Variants in ABCD3 observed in about 807,000 individuals in gnomAD.
ABCD3 encodes the protein ATP binding cassette subfamily D member 3, also known as ATP-binding cassette sub-family D member 3.
In ABCD3, 41 loss-of-function variants were observed where a neutral mutation model predicts 105.5. That is an observed-to-expected ratio of 0.39 (90% CI 0.30 to 0.50). The LOEUF is 0.50. ABCD3 is among the 20% of genes least tolerant of loss of function. ABCD3 has a pLI of 0.84. For synonymous variants in ABCD3, 258 were observed against 269.0 expected, an observed-to-expected ratio of 0.96 and a Z score of 0.40; for missense variants, 622 against 806.3, an observed-to-expected ratio of 0.77 and a Z score of 2.77.
At chr1:94,497,096 G>T (rs1188220820) in intron 16 of ABCD3, among the ~76,000 whole-genome samples, 1 of 152,024 alleles carries the variant, frequency 6.6e-6, no homozygotes, top group Non-Finnish European at 1.5e-5. Flanking sequence ...AATAAAGTCT[G>T]CTCTGACCAC....
intron 1 of ABCD3, among the ~76,000 whole-genome samples, chr1:94,421,690 A>G (rs1213020111): frequency 1.3e-5 from 2 of 152,252 alleles, no homozygotes; most frequent in African/African-American, 2.4e-5. Flanking sequence ...ACAGATAGAC[A>G]TGTCTTAGAA....
At chr1:94,391,353 ACT>A in the ABCD3 span, among the ~76,000 whole-genome samples, 3 of 151,982 alleles carry the variant, frequency 2.0e-5, no homozygotes, top group Admixed American at 6.6e-5. Context: ...ATTTTGGTTG[ACT>A]CTCTGTCGCC....
chr1:94,449,954 A>G (rs1013257771), intron 1 of ABCD3, among the ~76,000 whole-genome samples: 6 of 152,210 alleles, frequency 3.9e-5, no homozygotes, highest in African/African-American at 1.4e-4. Flanking sequence ...TGTTAACAAG[A>G]TCAAAATTTG....
In ABCD3 at chr1:94,457,090, G is replaced by A. The variant is rs148013509; in HGVS notation, c.111-1517G>A. ...GGTCCTTTGCTCGTTTTTTAAAATTGGATTGTTGTCTTGCTATTGAGTTGT... is the reference window on the plus strand; with the variant it reads ...GGTCCTTTGCTCGTTTTTTAAAATTAGATTGTTGTCTTGCTATTGAGTTGT... On this transcript the variant is annotated intron_variant, in intron 1 of 22. Transcript: ENST00000370214. Among the ~76,000 whole-genome samples the A allele has an allele frequency of 2.9e-3, 436 of 152,060 alleles. 1 individual carries two copies. Among genetic ancestry groups the A allele is most frequent in the African/African-American group, 9.4e-3 (390 of 41,470 alleles).
intron 3 of ABCD3, among the ~76,000 whole-genome samples, chr1:94,465,556 A>G (rs1648096585): frequency 6.6e-6 from 1 of 152,174 alleles, no homozygotes; most frequent in African/African-American, 2.4e-5. Context: ...TTGCTTTGTT[A>G]TAGTTAAATA....
Position 94,418,443 on chromosome 1 carries a change from G to GCCT in ABCD3, c.-35_-34insCTC, listed in dbSNP as rs747584340. The GCCT allele has an allele frequency of 6.5e-7, 1 of 1,549,598 alleles. No individual in the cohort carries two copies. The highest frequency in any genetic ancestry group is 1.4e-5 in the African/African-American group (1 of 73,322). On this transcript the variant is annotated 5_prime_UTR_variant, in exon 1 of 23. Transcript: ENST00000370214. Reference sequence around the variant, plus strand: ...GGTAGCCGCCGCCGCCGCCGCCGCCGCGTCCCCTCGCCGGCTCGCTGGTAC... The same window carrying GCCT: ...GGTAGCCGCCGCCGCCGCCGCCGCCGCCTCGTCCCCTCGCCGGCTCGCTGGTAC...
rs1405303889 is a variant in ABCD3, at chr1:94,475,169, G to A, written c.432G>A (p.Lys144=). The change falls in exon 6 of 23, where the codon AAG becomes AAA. Residue 144 remains lysine (K), a synonymous_variant. Transcript: ENST00000370214. ...PLISLVNNFL[K]YGLNELKLCF... ...TCTCTCTGGTTAATAACTTCTTGAA[G>A]TATGGGTTAAATGAGCTTAAACTGT... 1.9e-6 allele frequency: 3 copies of A among 1,603,590 alleles called. No homozygotes were observed. Among genetic ancestry groups the A allele is most frequent in the Non-Finnish European group, 2.6e-6 (3 of 1,173,794 alleles).
At chr1:94,456,645 C>T (rs1001978895) in intron 1 of ABCD3, among the ~76,000 whole-genome samples, 2 of 151,172 alleles carry the variant, frequency 1.3e-5, no homozygotes, top group African/African-American at 4.9e-5. Flanking sequence ...ATCCATTGAT[C>T]TCTCGATGGA....
Position 94,418,454 on chromosome 1 carries a change from C to G in ABCD3, c.-25C>G, listed in dbSNP as rs376236351. 16 of 1,576,802 alleles carry G rather than the reference C, an allele frequency of 1.0e-5. No individual in the cohort carries two copies. The Admixed American group carries it at 1.6e-4, about 15-fold the overall frequency. ...CCGCCGCCGCCGCCGCGTCCCCTCGCCGGCTCGCTGGTACCGGCAGTGCCA... is the reference window on the plus strand; with the variant it reads ...CCGCCGCCGCCGCCGCGTCCCCTCGGCGGCTCGCTGGTACCGGCAGTGCCA... On this transcript the variant is annotated 5_prime_UTR_variant, in exon 1 of 23. Transcript: ENST00000370214.
intron 20 of ABCD3, among the ~76,000 whole-genome samples, chr1:94,502,497 GTTTT>G (rs34232258): frequency 1.5e-5 from 2 of 131,106 alleles, no homozygotes; most frequent in Non-Finnish European, 3.3e-5. Context: ...TGCCCCCCTA[GTTTT>G]TTTTTTTTTT....
At chr1:94,471,345 G>A (rs1242326200) in intron 4 of ABCD3, among the ~76,000 whole-genome samples, 2 of 151,804 alleles carry the variant, frequency 1.3e-5, no homozygotes, top group Admixed American at 6.6e-5. Flanking sequence ...ATCACTTGAG[G>A]CCAAGAGTTC....
In ABCD3 at chr1:94,517,258, A is replaced by G. The variant is rs1266869135; in HGVS notation, c.*129A>G. 5 of 711,514 alleles carry G rather than the reference A, an allele frequency of 7.0e-6. No individual in the cohort carries two copies. Among genetic ancestry groups the G allele is most frequent in the South Asian group, 6.2e-5 (4 of 64,490 alleles). 44.1% of individuals were successfully genotyped at this position (711,514 alleles called of 1,614,324 possible). A position where few individuals can be genotyped will look rare whatever the true frequency, so the allele number is the denominator to read the frequency against. ...AAAAAAACAAAGCAACAAATTAACT[A>G]GATACAGAATAATGGAGAACAAGTT... On this transcript the variant is annotated 3_prime_UTR_variant, in exon 23 of 23. Coordinates refer to ENST00000370214, the MANE Select transcript of ABCD3 (RefSeq NM_002858.4).
chr1:94,442,086 G>A (rs986234870), intron 1 of ABCD3, among the ~76,000 whole-genome samples: 7 of 152,182 alleles, frequency 4.6e-5, no homozygotes, highest in African/African-American at 1.7e-4. Context: ...AAAAATGCAT[G>A]TGTGTGTATA....
chr1:94,474,144 A>G (rs564245567), intron 5 of ABCD3, among the ~76,000 whole-genome samples: 46 of 148,900 alleles, frequency 3.1e-4, no homozygotes, highest in African/African-American at 1.1e-3. Context: ...AGCATCATCA[A>G]TGACCATTAG....
At chr1:94,401,777 T>C in the ABCD3 span, among the ~76,000 whole-genome samples, 2 of 152,238 alleles carry the variant, frequency 1.3e-5, no homozygotes, top group Non-Finnish European at 2.9e-5. Context: ...ATTAGTTAGC[T>C]TGTTTGCTCA....
At chr1:94,463,149 TA>T (rs1647958146) in intron 2 of ABCD3, among the ~76,000 whole-genome samples, 2 of 152,204 alleles carry the variant, frequency 1.3e-5, no homozygotes, top group African/African-American at 4.8e-5. Context: ...ACTGAGCCTG[TA>T]ACTCAGTAGG....
At chr1:94,448,594 G>A (rs1660447710) in intron 1 of ABCD3, among the ~76,000 whole-genome samples, 1 of 152,216 alleles carries the variant, frequency 6.6e-6, no homozygotes, top group Non-Finnish European at 1.5e-5. Context: ...GCCTATTAAT[G>A]TGATTTCTGA....
intron 1 of ABCD3, among the ~76,000 whole-genome samples, chr1:94,426,848 A>ATTTTTTTTTTTTTTTTTTTTT (rs67942477): frequency 7.6e-6 from 1 of 131,618 alleles, no homozygotes; most frequent in African/African-American, 2.9e-5. Flanking sequence ...CCCAGCCTGA[A>ATTTTTTTTTTTTTTTTTTTTT]TTTTTTTTTT....
rs566763216 is a variant in ABCD3, at chr1:94,446,494, C to A, written c.111-12113C>A. On this transcript the variant is annotated intron_variant, in intron 1 of 22. Transcript: ENST00000370214. Reference sequence around the variant, plus strand: ...CAAATTGTTACATCTACTTCTGTTCCCTGGAAAGCAGAGCCAGGAGAGCGC... The same window carrying A: ...CAAATTGTTACATCTACTTCTGTTCACTGGAAAGCAGAGCCAGGAGAGCGC... Among the ~76,000 whole-genome samples the A allele has an allele frequency of 1.8e-4, 28 of 152,286 alleles. No homozygotes were observed. The East Asian group carries it at 4.2e-3, about 23-fold the overall frequency.
Sources: allele counts gnomAD v4.1 joint callset (sites outside exome capture counted in the v4.1 genomes callset), GRCh38; gene constraint gnomAD v4.1.1; transcripts MANE v1.5; gene names NCBI Gene and HGNC (gene_info 2026-07-23, HGNC 2026-07-21).